The following PLXNB1 variants were observed in gnomAD, a reference collection of about 807,000 sequenced individuals.
The protein encoded by PLXNB1 is plexin-B1.
PLXNB1 carries 106 observed loss-of-function variants against 209.4 expected under a neutral mutation model. The ratio of observed to expected loss-of-function variants is 0.51; its 90% confidence interval spans 0.43 to 0.59. The LOEUF (loss-of-function observed/expected upper bound fraction) is 0.59, where lower values mean the gene tolerates loss of function less well. Ranked by LOEUF, PLXNB1 falls within the 20% of genes least tolerant of loss-of-function variation. The pLI is 0.00. For synonymous variants in PLXNB1, 1,167 were observed against 1,183.2 expected, an observed-to-expected ratio of 0.99 and a Z score of 0.28; for missense variants, 2,357 against 2,853.2, an observed-to-expected ratio of 0.83 and a Z score of 3.96.
chr3:48,422,515 C>T, intron 4 of PLXNB1, 56 bp from the exon 5 acceptor site: 3 of 1,499,998 alleles, frequency 2.0e-6, no homozygotes, highest in Non-Finnish European at 1.8e-6. Flanking sequence ...AGGCCCAAAG[C>T]CCTCCCCTCC....
chr3:48,419,308 G>A lies in PLXNB1; in HGVS notation c.2768C>T (p.Thr923Met), dbSNP rs370309890. The A allele has an allele frequency of 2.0e-5, 32 of 1,598,464 alleles. No homozygotes were observed. The African/African-American group carries it at 2.4e-4, about 12-fold the overall frequency. ...CPCVESVQGSTLMPVHVEREI... is the reference protein window; with the variant it reads ...CPCVESVQGSMLMPVHVEREI... ...CCGCTCCACATGGACCGGCATCAAC[G>A]TGGAGCCCTGAACGCTCTCCACACA... The change falls in exon 12 of 38, where the codon ACG (threonine) becomes ATG (methionine). Residue 923 changes from threonine to methionine, a missense_variant. Physicochemically the swap from Thr to Met is moderately conservative, Grantham distance 81. Coordinates refer to ENST00000296440, the MANE Select transcript of PLXNB1 (RefSeq NM_001130082.3). This position sits in a 1 kb window ranked among gnomAD's most constrained non-coding sequence, Gnocchi z 5.7.
intron 34 of PLXNB1, 97 bp from the exon 35 acceptor site, chr3:48,407,188 G>A (rs557851852): frequency 8.8e-7 from 1 of 1,139,668 alleles, no homozygotes; most frequent in African/African-American, 1.5e-5. Flanking sequence ...TACTGCTTCA[G>A]TTTTGAAAAG....
At position 48,417,123 on chromosome 3, in the gene PLXNB1, G is replaced by A. The variant is rs1257555763; in HGVS notation, c.3375-672C>T. On this transcript the variant is annotated intron_variant, in intron 16 of 37. Transcript: ENST00000296440. The surrounding 1 kb of genome is among the most constrained non-coding windows in gnomAD (Gnocchi z 4.4). ...CTTCATAAATCACAGCAGTCTTATG[G>A]TCTGGAACACTAACAGTCTAGATAG... Among the ~76,000 whole-genome samples, 1 of 152,182 alleles carries A rather than the reference G, an allele frequency of 6.6e-6. No individual in the cohort carries two copies. The highest frequency in any genetic ancestry group is 2.4e-5 in the African/African-American group (1 of 41,428).
rs567351891 is a variant in PLXNB1, at chr3:48,415,521, C to G, written c.3794+62G>C. On this transcript the variant is annotated intron_variant, in intron 19 of 37. Coordinates refer to ENST00000296440, the MANE Select transcript of PLXNB1 (RefSeq NM_001130082.3). This position sits in a 1 kb window ranked among gnomAD's most constrained non-coding sequence, Gnocchi z 5.0. ...CAACATAAAGCCCTACAAACCCCCA[C>G]ATAGTGGAGCTGCAAAGACCTCCCT... 6.7e-7 allele frequency: 1 copy of G among 1,486,228 alleles called. No individual in the cohort carries two copies. Among genetic ancestry groups the G allele is most frequent in the Non-Finnish European group, 9.1e-7 (1 of 1,098,678 alleles). The allele number at this position is 1,486,228 out of a possible 1,614,324, so 92.1% of individuals were successfully genotyped here.
At position 48,406,914 on chromosome 3, in the gene PLXNB1, GGC is replaced by G; in HGVS notation, c.6153-18_6153-17del. On this transcript the variant is annotated splice_polypyrimidine_tract_variant and intron_variant, in intron 35 of 37. Coordinates refer to ENST00000296440, the MANE Select transcript of PLXNB1 (RefSeq NM_001130082.3). The surrounding 1 kb of genome is among the most constrained non-coding windows in gnomAD (Gnocchi z 4.4). ...TGCATAGTACCTGCCAGAGAGCCAG[GGC>G]ACAGCAGCTGCTGGGTAAACAAGCC... The G allele has an allele frequency of 6.2e-7, 1 of 1,612,852 alleles. No individual in the cohort carries two copies. The highest frequency in any genetic ancestry group is 1.3e-5 in the African/African-American group (1 of 74,956).
At chr3:48,426,108 T>C (rs1490187353) in intron 1 of PLXNB1, among the ~76,000 whole-genome samples, 3 of 152,184 alleles carry the variant, frequency 2.0e-5, no homozygotes, top group African/African-American at 7.2e-5. Flanking sequence ...AGCTAGGCCA[T>C]CTCTTGCTAT....
At chr3:48,407,118 G>GAGGA (rs768211605) in intron 34 of PLXNB1, 27 bp from the exon 35 acceptor site, 72 of 1,603,638 alleles carry the variant, frequency 4.5e-5, no homozygotes, top group Non-Finnish European at 5.5e-5. Flanking sequence ...GACAGCAAAA[G>GAGGA]AGGAAGGAAG....
Position 48,413,055 on chromosome 3 carries a change from T to C in PLXNB1, c.4636+14A>G, listed in dbSNP as rs1283578169. ...CAGAGTTCTGGAGGGCGGGGCCCAT[T>C]CTCTCAGCCACACCTGTGAATTCCT... is the stretch of plus-strand genomic sequence containing the variant. On this transcript the variant is annotated intron_variant, in intron 24 of 37. Coordinates refer to ENST00000296440, the MANE Select transcript of PLXNB1 (RefSeq NM_001130082.3). This position sits in a 1 kb window ranked among gnomAD's most constrained non-coding sequence, Gnocchi z 5.4. 1 of 1,610,432 alleles carries C rather than the reference T, an allele frequency of 6.2e-7. No individual in the cohort carries two copies. Among genetic ancestry groups the C allele is most frequent in the African/African-American group, 1.3e-5 (1 of 74,912 alleles).
In PLXNB1 at chr3:48,410,438, G is replaced by C. The variant is rs200235284; in HGVS notation, c.5520+17C>G. The C allele has an allele frequency of 1.2e-6, 2 of 1,611,966 alleles. No individual in the cohort carries two copies. The highest frequency in any genetic ancestry group is 1.7e-6 in the Non-Finnish European group (2 of 1,178,228). On this transcript the variant is annotated intron_variant, in intron 30 of 37. Transcript: ENST00000296440. This position sits in a 1 kb window ranked among gnomAD's most constrained non-coding sequence, Gnocchi z 6.4. ...TCCCACCCCACCATGCCCTCCTCCA[G>C]CTCCCACTCCTCCTACCTTGTAATG...
In PLXNB1 at chr3:48,419,829, G is replaced by A; in HGVS notation, c.2457C>T (p.Pro819=). ...AAGTGGTGGCAGGAACAGTGGCAGGGGGCAGGTCCAGGGGCACTGTGGGAT... is the reference window on the plus strand; with the variant it reads ...AAGTGGTGGCAGGAACAGTGGCAGGAGGCAGGTCCAGGGGCACTGTGGGAT... The part of the protein sequence containing the change: ...ALHPTVPLDL[P]PATVPATTFP... The change falls in exon 11 of 38, where the codon CCC becomes CCT. Residue 819 remains proline (P), a synonymous_variant. Transcript: ENST00000296440. This position sits in a 1 kb window ranked among gnomAD's most constrained non-coding sequence, Gnocchi z 5.7. 6.3e-7 allele frequency: 1 copy of A among 1,582,022 alleles called. No individual in the cohort carries two copies. Among genetic ancestry groups the A allele is most frequent in the South Asian group, 1.1e-5 (1 of 87,156 alleles).
At position 48,413,255 on chromosome 3, in the gene PLXNB1, C is replaced by T; in HGVS notation, c.4536-86G>A. Reference sequence around the variant, plus strand: ...TGACAATCCCCAGGCACACCCCGGCCTCATCCAGCACAGTCCAATGCAGCC... The same window carrying T: ...TGACAATCCCCAGGCACACCCCGGCTTCATCCAGCACAGTCCAATGCAGCC... On this transcript the variant is annotated intron_variant, in intron 23 of 37. Coordinates refer to ENST00000296440, the MANE Select transcript of PLXNB1 (RefSeq NM_001130082.3). This position sits in a 1 kb window ranked among gnomAD's most constrained non-coding sequence, Gnocchi z 5.4. 1 of 1,063,338 alleles carries T rather than the reference C, an allele frequency of 9.4e-7. No individual in the cohort carries two copies. The highest frequency in any genetic ancestry group is 1.4e-6 in the Non-Finnish European group (1 of 695,050). 65.9% of individuals were successfully genotyped at this position (1,063,338 alleles called of 1,614,324 possible). A position where few individuals can be genotyped will look rare whatever the true frequency, so the allele number is the denominator to read the frequency against.
At position 48,413,972 on chromosome 3, in the gene PLXNB1, A is replaced by G. The variant is rs2037886027; in HGVS notation, c.4309T>C (p.Cys1437Arg). Residue 1437 changes from cysteine to arginine, a missense_variant, in exon 22 of 38, where the codon TGC becomes CGC. Physicochemically the swap from Cys to Arg is radical, Grantham distance 180. This residue lies in a region of PLXNB1 where 743 missense variants were observed against 896.2 expected (regional missense o/e 0.83). Transcript: ENST00000296440. This position sits in a 1 kb window ranked among gnomAD's most constrained non-coding sequence, Gnocchi z 5.4. The part of the protein sequence containing the change: ...VKTLTRHHLY[C>R]EPPVEQPLPR... ...AGGGGCTGCTCCACGGGGGGCTCGC[A>G]GTACAGGTGGTGCCGCGTCAGCGTC... 1 of 1,613,672 alleles carries G rather than the reference A, an allele frequency of 6.2e-7. No individual in the cohort carries two copies. The highest frequency in any genetic ancestry group is 8.5e-7 in the Non-Finnish European group (1 of 1,179,976).
At position 48,405,494 on chromosome 3, in the gene PLXNB1, G is replaced by A. The variant is rs535368794; in HGVS notation, c.6303+230C>T. ...CCCACAACCACCAGCACTGTGCCTC[G>A]CCGTCCTGCTGGGGAGCTGGAATGG... On this transcript the variant is annotated intron_variant, in intron 37 of 37. Transcript: ENST00000296440. This position sits in a 1 kb window ranked among gnomAD's most constrained non-coding sequence, Gnocchi z 5.0. Among the ~76,000 whole-genome samples, 17 of 152,272 alleles carry A rather than the reference G, an allele frequency of 1.1e-4. No individual in the cohort carries two copies. The highest frequency in any genetic ancestry group is 4.1e-4 in the African/African-American group (17 of 41,544).
chr3:48,424,661 C>T, intron 2 of PLXNB1, 44 bp from the exon 3 acceptor site: 1 of 1,516,812 alleles, frequency 6.6e-7, no homozygotes, highest in Non-Finnish European at 8.8e-7. Context: ...ACGTGGCCGC[C>T]AGAGCACCCT....
chr3:48,421,047 G>A, intron 8 of PLXNB1, 91 bp from the exon 9 acceptor site: 1 of 1,310,848 alleles, frequency 7.6e-7, no homozygotes, highest in African/African-American at 1.5e-5. Context: ...TGGGGAAGAG[G>A]ACCCGGGATG....
chr3:48,421,131 CCATT>C (rs2038488536), intron 8 of PLXNB1, 93 bp downstream of exon 8: 2 of 1,438,368 alleles, frequency 1.4e-6, no homozygotes, highest in African/African-American at 1.4e-5. Flanking sequence ...AGAAAGGCAT[CCATT>C]CATGGCTCTT....
At position 48,418,637 on chromosome 3, in the gene PLXNB1, G is replaced by A; in HGVS notation, c.2956-95C>T. On this transcript the variant is annotated intron_variant, in intron 13 of 37. Coordinates refer to ENST00000296440, the MANE Select transcript of PLXNB1 (RefSeq NM_001130082.3). The surrounding 1 kb of genome is among the most constrained non-coding windows in gnomAD (Gnocchi z 6.6). ...GAGAAAGGACTAAAACGACCAGTTA[G>A]GAGCATAGGGTCAGAGGGACCCCAT... 8.9e-7 allele frequency: 1 copy of A among 1,129,408 alleles called. No homozygotes were observed. Among genetic ancestry groups the A allele is most frequent in the Middle Eastern group, 2.3e-4 (1 of 4,304 alleles). The allele number at this position is 1,129,408 out of a possible 1,614,324, so 70.0% of individuals were successfully genotyped here. A position where few individuals can be genotyped will look rare whatever the true frequency, so the allele number is the denominator to read the frequency against.
In PLXNB1 at chr3:48,416,842, C is replaced by T. The variant is rs139054657; in HGVS notation, c.3375-391G>A. The T allele has an allele frequency of 3.4e-4, 55 of 163,576 alleles. No individual in the cohort carries two copies. Among genetic ancestry groups the T allele is most frequent in the African/African-American group, 1.2e-3 (52 of 42,036 alleles). The allele number at this position is 163,576 out of a possible 1,614,324, so 10.1% of individuals were successfully genotyped here. ...GTACCCACTCAAAGCATGGTAGAAA[C>T]TTGATTTATTCAGGAAAAAGAGTCC... On this transcript the variant is annotated intron_variant, in intron 16 of 37. Transcript: ENST00000296440. This position sits in a 1 kb window ranked among gnomAD's most constrained non-coding sequence, Gnocchi z 4.1.
In PLXNB1 at chr3:48,409,932, G is replaced by A. The variant is rs1053880186; in HGVS notation, c.5751C>T (p.Ile1917=). Residue 1917 remains isoleucine (I), a synonymous_variant, in exon 32 of 38, where the codon ATC becomes ATT. Coordinates refer to ENST00000296440, the MANE Select transcript of PLXNB1 (RefSeq NM_001130082.3). The surrounding 1 kb of genome is among the most constrained non-coding windows in gnomAD (Gnocchi z 5.8). ...TCATGGACAGCAGGCGGGTCAGGTA[G>A]ATCTCAGGGATGGCCTTGGCGCGCT... The part of the protein sequence containing the change: ...ERERAKAIPE[I]YLTRLLSMKG... The A allele has an allele frequency of 6.2e-6, 10 of 1,611,772 alleles. No homozygotes were observed. The African/African-American group carries it at 1.2e-4, about 19-fold the overall frequency.
Sources: gnomAD v4.1 joint callset for allele counts (sites outside exome capture counted in the v4.1 genomes callset) on GRCh38, gnomAD v4.1.1 for gene constraint, gnomAD v4.1.1 regional missense constraint, Gnocchi (gnomAD v3.1) non-coding constraint, MANE v1.5 for transcripts, NCBI Gene and HGNC (gene_info 2026-07-23, HGNC 2026-07-21) for gene names.